Variants in AMZ2 observed in about 807,000 individuals in gnomAD.
AMZ2 encodes the protein archaemetzincin-2.
In AMZ2, 26 loss-of-function variants were observed where a neutral mutation model predicts 36.7. That is an observed-to-expected ratio of 0.71 (90% CI 0.52 to 0.98). The LOEUF (loss-of-function observed/expected upper bound fraction) is 0.98. AMZ2 is among the 50% of genes least tolerant of loss of function. AMZ2 has a pLI of 0.00. For synonymous variants in AMZ2, 144 were observed against 149.1 expected (o/e 0.97, Z 0.25); for missense variants, 394 against 430.5 (o/e 0.92, Z 0.75).
At position 68,210,604 on chromosome 17, in the gene AMZ2, T is replaced by G. The variant is rs143482328; in HGVS notation, c.-67+4366T>G. On this transcript the variant is annotated intron_variant, in intron 1 of 7. Coordinates refer to the AMZ2 transcript ENST00000674770. ...AAGATGAAAAAGTTCTGGAGATTGG[T>G]TGTACAACAATGTGAATATACTTAA... Among the ~76,000 whole-genome samples the G allele has an allele frequency of 2.4e-3, 371 of 152,264 alleles. 2 individuals are homozygous for G. Among genetic ancestry groups the G allele is most frequent in the South Asian group, 0.011 (52 of 4,820 alleles).
In AMZ2 at chr17:68,221,209, T is replaced by TCCCCCCCCCCC. The variant is rs55937321; in HGVS notation, c.-67+14980_-67+14981insCCCCCCCCCCC. Among the ~76,000 whole-genome samples, 126 of 66,764 alleles carry TCCCCCCCCCCC rather than the reference T, an allele frequency of 1.9e-3. 1 individual carries two copies. The highest frequency in any genetic ancestry group is 2.1e-3 in the Non-Finnish European group (77 of 37,354). The allele number at this position is 66,764 out of a possible 152,430, so 43.8% of individuals were successfully genotyped here. A position where few individuals can be genotyped will look rare whatever the true frequency, so the allele number is the denominator to read the frequency against. On this transcript the variant is annotated intron_variant, in intron 1 of 7. Coordinates refer to the AMZ2 transcript ENST00000674770. ...TGATCTTCCTGCCTCAGCCCTCAGC[T>TCCCCCCCCCCC]CCCCCCCCCGCCCCCCCGGTAGCTA... is the stretch of plus-strand genomic sequence containing the variant.
At chr17:68,215,931 C>G (rs2073183033) in intron 1 of AMZ2, among the ~76,000 whole-genome samples, 1 of 151,928 alleles carries the variant, frequency 6.6e-6, no homozygotes, top group Non-Finnish European at 1.5e-5. Flanking sequence ...CTGTAAGGCT[C>G]ATTACACAGT....
upstream of AMZ2, among the ~76,000 whole-genome samples, chr17:68,244,955 G>A (rs2073971706): frequency 6.6e-6 from 1 of 151,994 alleles, no homozygotes; most frequent in South Asian, 2.1e-4. Flanking sequence ...GTGCTGATTT[G>A]TAAAAGCTAT....
intron 1 of AMZ2, among the ~76,000 whole-genome samples, chr17:68,220,512 T>C (rs2073318956): frequency 6.6e-6 from 1 of 151,766 alleles, no homozygotes; most frequent in African/African-American, 2.4e-5. Context: ...CAAGTATAAG[T>C]GCTCAAAAAA....
upstream of AMZ2, among the ~76,000 whole-genome samples, chr17:68,245,977 C>A (rs2073992422): frequency 6.6e-6 from 1 of 151,932 alleles, no homozygotes; most frequent in Non-Finnish European, 1.5e-5. Context: ...GGCACAGTAT[C>A]CAAAGGAACT....
At chr17:68,229,439 C>T (rs1402082804) in intron 1 of AMZ2, among the ~76,000 whole-genome samples, 5 of 152,170 alleles carry the variant, frequency 3.3e-5, no homozygotes, top group Non-Finnish European at 7.3e-5. Flanking sequence ...TCCTTGCTTT[C>T]GACCCTGAGA....
chr17:68,222,143 C>T (rs1489798510), intron 1 of AMZ2, among the ~76,000 whole-genome samples: 4 of 152,224 alleles, frequency 2.6e-5, no homozygotes, highest in African/African-American at 9.7e-5. Context: ...CCAGCAGGCT[C>T]CCCAGGTTTC....
chr17:68,218,360 A>T (rs1453316691), intron 1 of AMZ2, among the ~76,000 whole-genome samples: 3 of 149,438 alleles, frequency 2.0e-5, no homozygotes, highest in East Asian at 2.0e-4. Flanking sequence ...ATTATGTTTT[A>T]TTTTTTTTTT....
rs542960329 is a variant in AMZ2, at chr17:68,234,493, G to T, written c.-66-14147G>T. ...TGTATCTTATTGGCTGGGTGCAGTG[G>T]CTCATGCCTGTAATCCCAGCACTTT... On this transcript the variant is annotated intron_variant, in intron 1 of 7. Coordinates refer to the AMZ2 transcript ENST00000674770. Among the ~76,000 whole-genome samples, 26 of 152,082 alleles carry T rather than the reference G, an allele frequency of 1.7e-4. 1 individual carries two copies. The highest frequency in any genetic ancestry group is 6.3e-4 in the African/African-American group (26 of 41,468).
chr17:68,225,220 T>C (rs1476102142), intron 1 of AMZ2, among the ~76,000 whole-genome samples: 2 of 151,862 alleles, frequency 1.3e-5, no homozygotes, highest in African/African-American at 4.8e-5. Context: ...TGGAAACCAG[T>C]GTGTGAAATT....
At chr17:68,247,722 C>A, upstream of AMZ2, 7 of 985,520 alleles carry the variant, frequency 7.1e-6, no homozygotes, top group Non-Finnish European at 8.4e-6. Context: ...CTGCCGAGGA[C>A]GTTCCCACAC....
chr17:68,248,131 C>A lies in AMZ2; in HGVS notation c.-575C>A. 1.0e-6 allele frequency: 1 copy of A among 986,430 alleles called. No homozygotes were observed. The highest frequency in any genetic ancestry group is 1.2e-6 in the Non-Finnish European group (1 of 830,648). The allele number at this position is 986,430 out of a possible 1,614,324, so 61.1% of individuals were successfully genotyped here. ...GTCGGGTCAGGGCGGTTCGCGGGTGCTGTCAGAGCTGGGCCGGGGCCCCTA... is the reference window on the plus strand; with the variant it reads ...GTCGGGTCAGGGCGGTTCGCGGGTGATGTCAGAGCTGGGCCGGGGCCCCTA... On this transcript the variant is annotated 5_prime_UTR_variant, in exon 1 of 7. It adds an upstream start codon to the 5' untranslated region. Coordinates refer to ENST00000359904, the MANE Select transcript of AMZ2 (RefSeq NM_016627.5).
chr17:68,236,255 A>G (rs527413405), intron 1 of AMZ2, among the ~76,000 whole-genome samples: 1 of 152,350 alleles, frequency 6.6e-6, no homozygotes, highest in African/African-American at 2.4e-5. Context: ...CATTATATAT[A>G]TCAAATGTGT....
At position 68,235,603 on chromosome 17, in the gene AMZ2, C is replaced by A. The variant is rs1275991753; in HGVS notation, c.-66-13037C>A. Among the ~76,000 whole-genome samples the A allele has an allele frequency of 6.6e-6, 1 of 152,104 alleles. No individual in the cohort carries two copies. Among genetic ancestry groups the A allele is most frequent in the African/African-American group, 2.4e-5 (1 of 41,420 alleles). Reference sequence around the variant, plus strand: ...CGGGACAGCCTCAATCCCTCAGGGCCCCTCTCGGTGCCTGCTTGGCTGACT... The same window carrying A: ...CGGGACAGCCTCAATCCCTCAGGGCACCTCTCGGTGCCTGCTTGGCTGACT... On this transcript the variant is annotated intron_variant, in intron 1 of 7. Coordinates refer to the AMZ2 transcript ENST00000674770. The surrounding 1 kb of genome is among the most constrained non-coding windows in gnomAD (Gnocchi z 4.2).
intron 1 of AMZ2, among the ~76,000 whole-genome samples, chr17:68,219,734 A>G (rs1216618481): frequency 6.9e-6 from 1 of 145,872 alleles, no homozygotes; most frequent in African/African-American, 2.6e-5. Context: ...AGGTCTCGCT[A>G]TATTGCCCAG....
rs1285100280 is a variant in AMZ2 at position 68,248,667 on chromosome 17, A to T, written c.-39A>T. ...AGGCCCAGACATGTCCGTCCTTGTA[A>T]GTTAAAAGCTTCCATGGGAGCCTTC... On this transcript the variant is annotated 5_prime_UTR_variant, in exon 1 of 7. In the 5' UTR this introduces an upstream ATG that the reference lacks. Coordinates refer to ENST00000359904, the MANE Select transcript of AMZ2 (RefSeq NM_016627.5). 3.0e-6 allele frequency: 3 copies of T among 985,954 alleles called. No individual in the cohort carries two copies. Among genetic ancestry groups the T allele is most frequent in the Non-Finnish European group, 3.6e-6 (3 of 830,154 alleles). The allele number at this position is 985,954 out of a possible 1,614,324, so 61.1% of individuals were successfully genotyped here.
chr17:68,256,612 A>C (rs1489437511), intron 6 of AMZ2, among the ~76,000 whole-genome samples: 1 of 151,914 alleles, frequency 6.6e-6, no homozygotes, highest in Non-Finnish European at 1.5e-5. Context: ...TTTTGACATC[A>C]TTTGTAATTC....
At chr17:68,254,381 C>A (rs35309522) in intron 4 of AMZ2, 23 bp from the exon 5 acceptor site, 165,876 of 1,596,854 alleles carry the variant, frequency 0.1, 9,575 homozygotes, top group Non-Finnish European at 0.12. Context: ...CTCATTCTGT[C>A]ACTGTTTGTC....
At chr17:68,209,691 G>A (rs1195701461) in intron 1 of AMZ2, among the ~76,000 whole-genome samples, 1 of 140,680 alleles carries the variant, frequency 7.1e-6, no homozygotes, top group African/African-American at 2.7e-5. Flanking sequence ...ACGTGATTCT[G>A]ACTCATGGCA....
Sources: allele counts gnomAD v4.1 joint callset (sites outside exome capture counted in the v4.1 genomes callset), GRCh38; gene constraint gnomAD v4.1.1; non-coding constraint Gnocchi (gnomAD v3.1); transcripts MANE v1.5; gene names NCBI Gene and HGNC (gene_info 2026-07-23, HGNC 2026-07-21).